Variants in MAST2 observed in about 807,000 individuals in gnomAD.
The protein encoded by MAST2 is microtubule-associated serine/threonine-protein kinase 2.
Under a neutral mutation model 147.4 loss-of-function variants are expected in MAST2, and 70 were observed. That is an observed-to-expected ratio of 0.47 (90% CI 0.39 to 0.58). MAST2 has a LOEUF of 0.58. MAST2 is among the 20% of genes least tolerant of loss of function. The pLI is 0.00. For missense variants in MAST2, 2,080 were observed against 2,302.3 expected, an observed-to-expected ratio of 0.90 and a Z score of 1.98; for synonymous variants, 869 against 896.8, an observed-to-expected ratio of 0.97 and a Z score of 0.55.
At chr1:46,034,490 T>TAAC in intron 28 of MAST2, 48 bp from the exon 29 acceptor site, 1 of 1,569,802 alleles carries the variant, frequency 6.4e-7, no homozygotes, top group Non-Finnish European at 8.7e-7. Flanking sequence ...TTCTAACAGC[T>TAAC]AACACTGCTC....
intron 15 of MAST2, chr1:46,024,300 A>C: frequency 5.8e-6 from 2 of 345,574 alleles, no homozygotes; most frequent in Non-Finnish European, 1.1e-5. Flanking sequence ...ACAAAAGCCC[A>C]GGATTAGGTG....
At chr1:45,917,533 G>A in intron 4 of MAST2, 1 of 1,366,412 alleles carries the variant, frequency 7.3e-7, no homozygotes, top group South Asian at 1.1e-5. Flanking sequence ...CTGCCGTGGA[G>A]GTAAGGAAAC....
At chr1:45,857,754 C>G (rs1557838438) in intron 3 of MAST2, among the ~76,000 whole-genome samples, 1 of 152,030 alleles carries the variant, frequency 6.6e-6, no homozygotes, top group Non-Finnish European at 1.5e-5. Context: ...TCTCCCCTCC[C>G]CCGACTCCAT....
At chr1:45,951,731 A>G (rs1381756795) in intron 4 of MAST2, among the ~76,000 whole-genome samples, 1 of 152,256 alleles carries the variant, frequency 6.6e-6, no homozygotes, top group Non-Finnish European at 1.5e-5. Flanking sequence ...CGTGTTAAAT[A>G]ATAGAGCTGT....
intron 10 of MAST2, among the ~76,000 whole-genome samples, chr1:46,017,328 A>G (rs567095101): frequency 1.1e-3 from 160 of 152,362 alleles, no homozygotes; most frequent in African/African-American, 3.6e-3. Context: ...GACAAATGGG[A>G]TCTAATTAAA....
intron 5 of MAST2, among the ~76,000 whole-genome samples, chr1:45,968,655 TATG>T (rs1369713579): frequency 6.6e-6 from 1 of 152,056 alleles, no homozygotes; most frequent in Non-Finnish European, 1.5e-5. Flanking sequence ...ATAGTTTGAG[TATG>T]ATATGTCTAA....
At position 45,949,046 on chromosome 1, in the gene MAST2, A is replaced by G. The variant is rs186480670; in HGVS notation, c.501-10340A>G. On this transcript the variant is annotated intron_variant, in intron 4 of 28. Coordinates refer to ENST00000361297, the MANE Select transcript of MAST2 (RefSeq NM_015112.3). ...TAGCCATAAGCAGAAGACTGAAGCT[A>G]CATAGTACCCCTCCTTTACATCATA... 9.9e-5 allele frequency among the ~76,000 whole-genome samples: 15 copies of G among 152,246 alleles called. No homozygotes were observed. In the East Asian group the frequency reaches 1.9e-3, roughly 20 times the overall value.
intron 1 of MAST2, among the ~76,000 whole-genome samples, chr1:45,817,043 G>A (rs1644477474): frequency 1.3e-5 from 2 of 152,008 alleles, no homozygotes; most frequent in South Asian, 2.1e-4. Flanking sequence ...GGAGACAAAA[G>A]AAGAAAAAGA....
chr1:45,870,729 T>C (rs927950402), intron 3 of MAST2, among the ~76,000 whole-genome samples: 3 of 151,526 alleles, frequency 2.0e-5, no homozygotes, highest in African/African-American at 7.3e-5. Flanking sequence ...GGAGACCAGC[T>C]TGGGCAACAT....
chr1:45,805,444 GC>G (rs1366415056), intron 1 of MAST2, among the ~76,000 whole-genome samples: 1 of 132,014 alleles, frequency 7.6e-6, no homozygotes, highest in Non-Finnish European at 1.6e-5. Context: ...GACCATCTCT[GC>G]CCCGCTTCTA....
At chr1:45,908,558 T>C (rs886169945) in intron 4 of MAST2, among the ~76,000 whole-genome samples, 4 of 152,382 alleles carry the variant, frequency 2.6e-5, no homozygotes, top group Admixed American at 6.5e-5. Flanking sequence ...TTTAGAAATA[T>C]GTGGTTTCGT....
At chr1:46,024,029 A>C in intron 15 of MAST2, 49 bp downstream of exon 15, 1 of 1,577,582 alleles carries the variant, frequency 6.3e-7, no homozygotes, top group Non-Finnish European at 8.7e-7. Flanking sequence ...ACAGTCTGAG[A>C]CTTAGCCTTA....
At chr1:45,948,332 G>A (rs1349857381) in intron 4 of MAST2, among the ~76,000 whole-genome samples, 2 of 152,120 alleles carry the variant, frequency 1.3e-5, no homozygotes, top group Non-Finnish European at 2.9e-5. Context: ...CATATTGCCT[G>A]AAGCAATTTA....
intron 4 of MAST2, among the ~76,000 whole-genome samples, chr1:45,926,736 G>A (rs1654429970): frequency 6.6e-6 from 1 of 151,940 alleles, no homozygotes; most frequent in African/African-American, 2.4e-5. Context: ...GAGTAGGGAA[G>A]GTTTTTTGAT....
At chr1:45,854,751 G>C (rs1645735460) in intron 3 of MAST2, among the ~76,000 whole-genome samples, 1 of 152,084 alleles carries the variant, frequency 6.6e-6, no homozygotes, top group Non-Finnish European at 1.5e-5. Context: ...GAAGCTGGGT[G>C]CCTTATAATT....
chr1:45,836,067 G>T (rs1645093765), intron 3 of MAST2, among the ~76,000 whole-genome samples: 1 of 151,998 alleles, frequency 6.6e-6, no homozygotes, highest in Non-Finnish European at 1.5e-5. Context: ...CTGTATTTGT[G>T]TACATGAATT....
intron 6 of MAST2, among the ~76,000 whole-genome samples, chr1:45,998,051 A>G (rs1469988444): frequency 1.3e-5 from 2 of 152,128 alleles, no homozygotes; most frequent in African/African-American, 2.4e-5. Context: ...GTAAAAGTAG[A>G]TTTATTTGTA....
chr1:45,839,639 A>C (rs1220136897), intron 3 of MAST2, among the ~76,000 whole-genome samples: 1 of 152,174 alleles, frequency 6.6e-6, no homozygotes, highest in Non-Finnish European at 1.5e-5. Flanking sequence ...TGCAGTCCCG[A>C]TCAAAACCCA....
At chr1:45,967,753 C>G (rs559839217) in intron 5 of MAST2, among the ~76,000 whole-genome samples, 2 of 152,082 alleles carry the variant, frequency 1.3e-5, no homozygotes, top group Non-Finnish European at 2.9e-5. Context: ...TATAAGTGAA[C>G]CCGTACAGTT....
Sources: gnomAD v4.1 joint callset for allele counts (sites outside exome capture counted in the v4.1 genomes callset) on GRCh38, gnomAD v4.1.1 for gene constraint, MANE v1.5 for transcripts, NCBI Gene and HGNC (gene_info 2026-07-23, HGNC 2026-07-21) for gene names.